IGBP1: variants seen among roughly 807,000 people sequenced by gnomAD.
The protein encoded by IGBP1 is immunoglobulin-binding protein 1.
In IGBP1, 2 loss-of-function variants were observed where a neutral mutation model predicts 25.9. The ratio of observed to expected loss-of-function variants is 0.08; its 90% CI spans 0.03 to 0.24. IGBP1 has a LOEUF of 0.24. IGBP1 is among the 10% of genes least tolerant of loss of function. IGBP1 has a pLI of 1.00. For missense variants in IGBP1, 187 were observed against 260.4 expected, an observed-to-expected ratio of 0.72 and a Z score of 1.94; for synonymous variants, 96 against 93.4, an observed-to-expected ratio of 1.03 and a Z score of -0.16.
At chrX:70,157,439 G>A (rs2085248279) in intron 6 of IGBP1, among the ~76,000 whole-genome samples, 1 of 111,451 alleles carries the variant, frequency 9.0e-6, no homozygotes. Context: ...AGAGGAGTGA[G>A]ACCATATGTC....
At chrX:70,163,966 C>T (rs2085283982) in intron 6 of IGBP1, 1 of 112,047 alleles carries the variant, frequency 8.9e-6, no homozygotes, top group Non-Finnish European at 1.9e-5. Context: ...AGGCCAGGCG[C>T]AGTGGCTCAC....
At chrX:70,142,561 T>C (rs2085137195) in intron 3 of IGBP1, among the ~76,000 whole-genome samples, 1 of 109,971 alleles carries the variant, frequency 9.1e-6, no homozygotes, top group Admixed American at 9.7e-5. Context: ...GCTTGTGCCT[T>C]TAATCGCAGC....
intron 6 of IGBP1, among the ~76,000 whole-genome samples, chrX:70,154,159 G>T (rs779598361): frequency 9.5e-6 from 1 of 105,093 alleles, no homozygotes; most frequent in Non-Finnish European, 1.9e-5. Flanking sequence ...CCGGGTTCAC[G>T]CCATTCACGC....
intron 2 of IGBP1, among the ~76,000 whole-genome samples, 160 bp from the exon 3 acceptor site, chrX:70,134,363 G>C (rs1258885733): frequency 1.8e-5 from 2 of 111,710 alleles, no homozygotes. Flanking sequence ...CATTGGGTGT[G>C]AGCCCTCAGC....
chrX:70,142,770 C>T (rs2085138663), intron 3 of IGBP1, among the ~76,000 whole-genome samples: 1 of 109,857 alleles, frequency 9.1e-6, no homozygotes, highest in Non-Finnish European at 1.9e-5. Context: ...AGTGAGCTGT[C>T]ATCACACCAC....
intron 6 of IGBP1, chrX:70,163,711 CTT>C (rs1410047448): frequency 1.8e-5 from 2 of 111,138 alleles, no homozygotes; most frequent in African/African-American, 6.6e-5. Context: ...AGGGATCAAA[CTT>C]GAGTCAAATC....
At chrX:70,146,967 T>G in intron 4 of IGBP1, 139 bp downstream of exon 4, 1 of 502,809 alleles carries the variant, frequency 2.0e-6, no homozygotes, top group Non-Finnish European at 3.5e-6. Context: ...CTAAGGTAGC[T>G]TTCTCTTTAA....
intron 6 of IGBP1, among the ~76,000 whole-genome samples, chrX:70,152,802 A>C (rs2085211721): frequency 9.0e-6 from 1 of 111,417 alleles, no homozygotes; most frequent in African/African-American, 3.3e-5. Flanking sequence ...TCCAATTTGA[A>C]AAAAAAGATT....
intron 6 of IGBP1, among the ~76,000 whole-genome samples, chrX:70,153,723 G>A (rs2147583530): frequency 8.9e-6 from 1 of 111,929 alleles, no homozygotes; most frequent in East Asian, 2.8e-4. Flanking sequence ...CATTCATGAG[G>A]TTGCAGTCAA....
chrX:70,153,523 C>T (rs965534397), intron 6 of IGBP1, among the ~76,000 whole-genome samples: 6 of 112,249 alleles, frequency 5.3e-5, no homozygotes, highest in African/African-American at 1.9e-4. Context: ...TGACAGCCAT[C>T]GCAAAAAGGA....
chrX:70,159,543 G>A (rs915042719), intron 6 of IGBP1, among the ~76,000 whole-genome samples: 4 of 110,815 alleles, frequency 3.6e-5, no homozygotes, highest in Admixed American at 9.6e-5. Flanking sequence ...GAACTGCTGC[G>A]GGACCTGTGA....
chrX:70,142,545 A>G (rs891002910), intron 3 of IGBP1, among the ~76,000 whole-genome samples: 3 of 110,842 alleles, frequency 2.7e-5, no homozygotes, highest in Non-Finnish European at 5.7e-5. Flanking sequence ...TTGGTTGGGC[A>G]CAGTGGCTTG....
At position 70,166,220 on chromosome X, in the gene IGBP1, T is replaced by A. The variant is rs1169596469; in HGVS notation, c.*239T>A. 5 of 377,133 alleles carry A rather than the reference T, an allele frequency of 1.3e-5. No homozygotes were observed. The highest frequency in any genetic ancestry group is 2.3e-5 in the Non-Finnish European group (5 of 214,490). The allele number at this position is 377,133 out of a possible 1,213,427, so 31.1% of individuals were successfully genotyped here. A position where few individuals can be genotyped will look rare whatever the true frequency, so the allele number is the denominator to read the frequency against. On this transcript the variant is annotated 3_prime_UTR_variant, in exon 7 of 7. Transcript: ENST00000356413. ...TCATGTTGTATTCCAGCTTCTTAAG[T>A]GGAAGGAAAAGAGTGCTGAGAAATG...
chrX:70,157,521 A>G (rs780224227), intron 6 of IGBP1, among the ~76,000 whole-genome samples: 1 of 112,475 alleles, frequency 8.9e-6, no homozygotes, highest in African/African-American at 3.2e-5. Context: ...CACACCACTC[A>G]AATGCCCATA....
intron 6 of IGBP1, among the ~76,000 whole-genome samples, chrX:70,159,484 G>A (rs987080948): frequency 2.7e-5 from 3 of 111,538 alleles, no homozygotes; most frequent in Admixed American, 1.9e-4. Flanking sequence ...TCCAAGGCAC[G>A]GGTGCTCAGG....
chrX:70,148,738 C>T (rs1349714517), intron 4 of IGBP1, 23 bp from the exon 5 acceptor site: 5 of 1,116,708 alleles, frequency 4.5e-6, no homozygotes, highest in Non-Finnish European at 6.2e-6. Flanking sequence ...AAATTCACCT[C>T]TCATAATTAA....
chrX:70,151,597 G>T (rs1359025602), intron 6 of IGBP1, among the ~76,000 whole-genome samples: 1 of 111,936 alleles, frequency 8.9e-6, no homozygotes, highest in Non-Finnish European at 1.9e-5. Context: ...AATAAGATGC[G>T]CTAGGCACAG....
chrX:70,137,012 C>G (rs1282572808), intron 3 of IGBP1, among the ~76,000 whole-genome samples: 1 of 111,532 alleles, frequency 9.0e-6, no homozygotes, highest in African/African-American at 3.3e-5. Flanking sequence ...CTGGCTGTTT[C>G]TTTTCAAATA....
rs766571748 is a variant in IGBP1, at chrX:70,154,743, A to C, written c.871+4421A>C. On this transcript the variant is annotated intron_variant, in intron 6 of 6. Transcript: ENST00000356413. Reference sequence around the variant, plus strand: ...AAAAAAAAAAAAAAAAAAAGTTTTAAAAAACTAGCCAAGTGTGATGGTTCG... The same window carrying C: ...AAAAAAAAAAAAAAAAAAAGTTTTACAAAACTAGCCAAGTGTGATGGTTCG... Among the ~76,000 whole-genome samples the C allele has an allele frequency of 6.6e-5, 7 of 105,661 alleles. No individual in the cohort carries two copies. The South Asian group carries it at 3.0e-3, about 45-fold the overall frequency. The allele number at this position is 105,661 out of a possible 115,157, so 91.8% of individuals were successfully genotyped here.
Sources: gnomAD v4.1 joint callset for allele counts (sites outside exome capture counted in the v4.1 genomes callset) on GRCh38, gnomAD v4.1.1 for gene constraint, MANE v1.5 for transcripts, NCBI Gene and HGNC (gene_info 2026-07-23, HGNC 2026-07-21) for gene names.